The following CCSER1 variants were observed in gnomAD, a reference collection of about 807,000 sequenced individuals.
CCSER1 encodes coiled-coil serine rich protein 1, also known as serine-rich coiled-coil domain-containing protein 1.
In CCSER1, 41 loss-of-function variants were observed where a neutral mutation model predicts 82.0. That is an observed-to-expected ratio of 0.50 (90% CI 0.39 to 0.65). The LOEUF (loss-of-function observed/expected upper bound fraction) is 0.65, where lower values mean the gene tolerates loss of function less well. CCSER1 is among the 30% of genes least tolerant of loss of function. The probability of loss-of-function intolerance (pLI) is 0.00; values close to 1 mark genes in which losing one functional copy is unlikely to be tolerated. For synonymous variants in CCSER1, 414 were observed against 383.9 expected, an observed-to-expected ratio of 1.08 and a Z score of -0.92; for missense variants, 1,119 against 1,064.2, an observed-to-expected ratio of 1.05 and a Z score of -0.72.
intron 5 of CCSER1, among the ~76,000 whole-genome samples, chr4:90,613,185 A>G (rs936290565): frequency 8.5e-5 from 13 of 152,146 alleles, no homozygotes; most frequent in African/African-American, 3.1e-4. Flanking sequence ...TCATGAAAAA[A>G]AGAAAAAAAA....
At chr4:91,141,708 G>A (rs1414738285) in intron 10 of CCSER1, among the ~76,000 whole-genome samples, 1 of 152,086 alleles carries the variant, frequency 6.6e-6, no homozygotes, top group African/African-American at 2.4e-5. Context: ...TCTCTAAACT[G>A]CTTTCTACAG....
chr4:91,158,000 C>T (rs921032538), intron 10 of CCSER1, among the ~76,000 whole-genome samples: 1 of 151,944 alleles, frequency 6.6e-6, no homozygotes, highest in African/African-American at 2.4e-5. Context: ...TATTCTACTT[C>T]TCAGAAAGCC....
At chr4:90,585,907 G>A (rs1324483063) in intron 5 of CCSER1, among the ~76,000 whole-genome samples, 1 of 152,142 alleles carries the variant, frequency 6.6e-6, no homozygotes, top group Non-Finnish European at 1.5e-5. Flanking sequence ...TATCGCATTT[G>A]TATCTCATAG....
chr4:90,570,113 C>G (rs553408915), intron 5 of CCSER1, among the ~76,000 whole-genome samples: 9 of 152,286 alleles, frequency 5.9e-5, no homozygotes, highest in Admixed American at 5.2e-4. Context: ...CTCCCCAGCT[C>G]TAAGAATACA....
At chr4:91,128,783 T>C (rs1234539979) in intron 10 of CCSER1, among the ~76,000 whole-genome samples, 1 of 152,054 alleles carries the variant, frequency 6.6e-6, no homozygotes, top group African/African-American at 2.4e-5. Context: ...CACGTGAAAA[T>C]ACAGTTAGAC....
At chr4:90,839,927 T>TA (rs1762356639) in intron 8 of CCSER1, among the ~76,000 whole-genome samples, 1 of 152,168 alleles carries the variant, frequency 6.6e-6, no homozygotes, top group African/African-American at 2.4e-5. Context: ...CATTAGTCAA[T>TA]ATTCTGGTCT....
chr4:90,736,908 A>G (rs574165566), intron 7 of CCSER1, among the ~76,000 whole-genome samples: 51 of 152,196 alleles, frequency 3.4e-4, no homozygotes, highest in African/African-American at 1.2e-3. Flanking sequence ...GTAACAACTT[A>G]TAACCCATTT....
At chr4:90,806,407 A>G (rs1335065283) in intron 7 of CCSER1, among the ~76,000 whole-genome samples, 5 of 152,322 alleles carry the variant, frequency 3.3e-5, no homozygotes. Context: ...TGCAGTTCCT[A>G]GTAGCCACAA....
chr4:91,214,784 CTATT>C (rs1394149132), intron 10 of CCSER1, among the ~76,000 whole-genome samples: 1 of 152,096 alleles, frequency 6.6e-6, no homozygotes, highest in African/African-American at 2.4e-5. Flanking sequence ...ATTGGAAAGA[CTATT>C]TATATATCAA....
intron 7 of CCSER1, among the ~76,000 whole-genome samples, chr4:90,734,700 T>G (rs1046287194): frequency 3.8e-4 from 58 of 152,336 alleles, no homozygotes; most frequent in African/African-American, 1.4e-3. Context: ...AATTTGTTTT[T>G]CAATTCTAAT....
chr4:90,702,899 T>C (rs1270341261), intron 6 of CCSER1, among the ~76,000 whole-genome samples: 1 of 152,166 alleles, frequency 6.6e-6, no homozygotes, highest in Non-Finnish European at 1.5e-5. Context: ...GTCTATCAAT[T>C]TTGTTGATCT....
intron 10 of CCSER1, among the ~76,000 whole-genome samples, chr4:91,389,999 T>C (rs1751548390): frequency 6.6e-6 from 1 of 152,094 alleles, no homozygotes; most frequent in African/African-American, 2.4e-5. Context: ...TACAATCATG[T>C]ATCTTCATAT....
chr4:91,534,843 A>T (rs546804524), intron 10 of CCSER1, among the ~76,000 whole-genome samples: 2 of 152,002 alleles, frequency 1.3e-5, no homozygotes, highest in East Asian at 3.9e-4. Flanking sequence ...AATAAGTGAA[A>T]TTATGAATGA....
intron 3 of CCSER1, among the ~76,000 whole-genome samples, chr4:90,394,393 T>G (rs150224266): frequency 1.1e-3 from 170 of 152,338 alleles, no homozygotes; most frequent in Non-Finnish European, 2.0e-3. Flanking sequence ...CCTCTTGATA[T>G]CAAGTCATTT....
At chr4:91,142,488 T>C (rs1412092105) in intron 10 of CCSER1, among the ~76,000 whole-genome samples, 1 of 152,182 alleles carries the variant, frequency 6.6e-6, no homozygotes, top group Non-Finnish European at 1.5e-5. Flanking sequence ...CTTGGTAATT[T>C]TTGTTTTTGT....
rs553302880 is a variant in CCSER1, at chr4:90,165,795, A to G, written c.-42+37964A>G. Among the ~76,000 whole-genome samples the G allele has an allele frequency of 2.6e-5, 4 of 152,080 alleles. No homozygotes were observed. The East Asian group carries it at 7.7e-4, about 29-fold the overall frequency. ...ATGGTGAGAATTGATGGGGTTGAAA[A>G]TTTTGCAGTGAAGTATGAGGCAAGC... On this transcript the variant is annotated intron_variant, in intron 1 of 10. Transcript: ENST00000509176.
chr4:91,370,915 G>C (rs1578288932), intron 10 of CCSER1, among the ~76,000 whole-genome samples: 1 of 152,132 alleles, frequency 6.6e-6, no homozygotes, highest in South Asian at 2.1e-4. Context: ...AGGTTGGAGT[G>C]CTATAGTGTG....
intron 10 of CCSER1, among the ~76,000 whole-genome samples, chr4:91,251,643 G>T (rs1274680201): frequency 6.6e-6 from 1 of 152,088 alleles, no homozygotes; most frequent in South Asian, 2.1e-4. Flanking sequence ...TGAAATTAGT[G>T]GTTATGTCCA....
At chr4:90,368,205 A>G (rs1351497582) in intron 3 of CCSER1, among the ~76,000 whole-genome samples, 3 of 151,978 alleles carry the variant, frequency 2.0e-5, no homozygotes, top group Non-Finnish European at 4.4e-5. Context: ...TGTCATTCAA[A>G]TAAAGACAAG....
Sources: allele counts gnomAD v4.1 joint callset (sites outside exome capture counted in the v4.1 genomes callset), GRCh38; gene constraint gnomAD v4.1.1; transcripts MANE v1.5; gene names NCBI Gene and HGNC (gene_info 2026-07-23, HGNC 2026-07-21).